Variants in TNFAIP8 observed in about 807,000 individuals in gnomAD.
TNFAIP8 encodes the protein tumor necrosis factor alpha-induced protein 8.
In TNFAIP8, 7 loss-of-function variants were observed where a neutral mutation model predicts 13.3. The ratio of observed to expected loss-of-function variants is 0.52; its 90% CI spans 0.30 to 0.99. The LOEUF (loss-of-function observed/expected upper bound fraction) is 0.99. Ranked by LOEUF, TNFAIP8 falls within the 50% of genes least tolerant of loss-of-function variation. The pLI is 0.07. For missense variants in TNFAIP8, 258 were observed against 236.9 expected (o/e 1.09, Z -0.58); for synonymous variants, 94 against 87.6 (o/e 1.07, Z -0.41).
intron 1 of TNFAIP8, among the ~76,000 whole-genome samples, chr5:119,284,719 C>CT (rs1052746679): frequency 1.8e-4 from 27 of 152,018 alleles, no homozygotes; most frequent in African/African-American, 3.6e-4. Flanking sequence ...AAACATGACT[C>CT]TAAGTCTCAC....
At chr5:119,359,335 C>G (rs1424334205) in intron 1 of TNFAIP8, among the ~76,000 whole-genome samples, 2 of 152,148 alleles carry the variant, frequency 1.3e-5, no homozygotes, top group Admixed American at 6.5e-5. Context: ...TTTTTCTGAA[C>G]CTAAACTCAG....
At chr5:119,392,320 C>T (rs1455038287) in intron 1 of TNFAIP8, among the ~76,000 whole-genome samples, 1 of 152,218 alleles carries the variant, frequency 6.6e-6, no homozygotes, top group African/African-American at 2.4e-5. Context: ...GTTCTTCTTC[C>T]ATTTAAATGA....
chr5:119,333,453 T>C, intron 1 of TNFAIP8: 4 of 1,404,666 alleles, frequency 2.8e-6, no homozygotes, highest in Non-Finnish European at 3.7e-6. Flanking sequence ...TTCAAAAGAA[T>C]AGTATAAATT....
At chr5:119,299,014 T>G (rs1749273983) in intron 1 of TNFAIP8, among the ~76,000 whole-genome samples, 1 of 152,158 alleles carries the variant, frequency 6.6e-6, no homozygotes, top group Non-Finnish European at 1.5e-5. Flanking sequence ...TCTTCTAAAT[T>G]TTTTTCAAAG....
At chr5:119,384,938 A>C (rs1580447516) in intron 1 of TNFAIP8, among the ~76,000 whole-genome samples, 2 of 152,206 alleles carry the variant, frequency 1.3e-5, no homozygotes, top group East Asian at 3.8e-4. Context: ...TCGTCATAAA[A>C]CTAAGCCACA....
At chr5:119,375,783 G>A (rs1752255947) in intron 1 of TNFAIP8, among the ~76,000 whole-genome samples, 1 of 151,980 alleles carries the variant, frequency 6.6e-6, no homozygotes, top group Admixed American at 6.5e-5. Context: ...GTTCAATTTA[G>A]GATCTTAAAG....
At chr5:119,376,646 T>C (rs1418667233) in intron 1 of TNFAIP8, among the ~76,000 whole-genome samples, 1 of 151,446 alleles carries the variant, frequency 6.6e-6, no homozygotes, top group East Asian at 1.9e-4. Context: ...AATTGGTCAT[T>C]TATTGCAAGG....
At chr5:119,318,455 A>AT (rs972783678) in intron 1 of TNFAIP8, among the ~76,000 whole-genome samples, 3 of 151,598 alleles carry the variant, frequency 2.0e-5, no homozygotes, top group South Asian at 2.1e-4. Flanking sequence ...TGCTTGGCTA[A>AT]TTTTTTTTAT....
At position 119,356,069 on chromosome 5, in the gene TNFAIP8, T is replaced by C. The variant is rs759543005; in HGVS notation, c.-22T>C. 26 of 1,574,854 alleles carry C rather than the reference T, an allele frequency of 1.7e-5. No individual in the cohort carries two copies. The highest frequency in any genetic ancestry group is 2.2e-5 in the Non-Finnish European group (25 of 1,159,500). On this transcript the variant is annotated 5_prime_UTR_variant, in exon 1 of 2. Coordinates refer to ENST00000504771, the MANE Select transcript of TNFAIP8 (RefSeq NM_014350.4). ...AGTACATGTGAGCGGTAATCGCCCC[T>C]GCAGCTGGTTATCCTGACATTATGC...
At chr5:119,295,231 AC>A in intron 1 of TNFAIP8, among the ~76,000 whole-genome samples, 1 of 44,960 alleles carries the variant, frequency 2.2e-5, no homozygotes, top group Non-Finnish European at 4.0e-5. Context: ...CTAACGTTAG[AC>A]CTATAGGTCT....
chr5:119,304,163 G>A (rs1379010249), intron 1 of TNFAIP8, among the ~76,000 whole-genome samples: 4 of 151,862 alleles, frequency 2.6e-5, no homozygotes, highest in Non-Finnish European at 4.4e-5. Context: ...CTGTTGCCCA[G>A]GCTGGAGTGT....
chr5:119,279,214 T>C (rs890055398), intron 1 of TNFAIP8, among the ~76,000 whole-genome samples: 6 of 152,218 alleles, frequency 3.9e-5, no homozygotes, highest in African/African-American at 1.2e-4. Flanking sequence ...TGTGAATGCC[T>C]GGCCACGCTG....
chr5:119,325,875 G>T (rs889941665), intron 1 of TNFAIP8, among the ~76,000 whole-genome samples: 6 of 152,168 alleles, frequency 3.9e-5, no homozygotes, highest in Non-Finnish European at 7.3e-5. Context: ...TGCTCTTTCT[G>T]CTGCCCAGAC....
chr5:119,292,463 A>T (rs950878716), intron 1 of TNFAIP8, among the ~76,000 whole-genome samples: 2 of 151,332 alleles, frequency 1.3e-5, no homozygotes, highest in African/African-American at 4.8e-5. Flanking sequence ...GTATTTTGTT[A>T]TTCTGTTGGG....
At chr5:119,385,562 T>C (rs1210549532) in intron 1 of TNFAIP8, among the ~76,000 whole-genome samples, 1 of 152,210 alleles carries the variant, frequency 6.6e-6, no homozygotes, top group African/African-American at 2.4e-5. Context: ...AGAGTCCTCG[T>C]AGTACTAAAT....
intron 1 of TNFAIP8, among the ~76,000 whole-genome samples, chr5:119,324,960 G>A (rs578175060): frequency 1.1e-4 from 16 of 152,132 alleles, no homozygotes; most frequent in South Asian, 4.1e-4. Context: ...CTGGCCAGCC[G>A]CAGTGGCTCA....
At chr5:119,299,511 G>C (rs1343831031) in intron 1 of TNFAIP8, among the ~76,000 whole-genome samples, 1 of 152,182 alleles carries the variant, frequency 6.6e-6, no homozygotes, top group Non-Finnish European at 1.5e-5. Context: ...GTGTCAGTCT[G>C]CCTCTACTGG....
intron 1 of TNFAIP8, chr5:119,333,444 T>C: frequency 7.2e-7 from 1 of 1,394,440 alleles, no homozygotes; most frequent in Non-Finnish European, 9.3e-7. Flanking sequence ...GGTAGATTTT[T>C]CAAAAGAATA....
intron 1 of TNFAIP8, among the ~76,000 whole-genome samples, chr5:119,385,349 G>A (rs779724342): frequency 2.0e-5 from 3 of 152,094 alleles, no homozygotes; most frequent in Non-Finnish European, 4.4e-5. Flanking sequence ...GCATGAGAAC[G>A]CTGTGACTTC....
Sources: allele counts gnomAD v4.1 joint callset (sites outside exome capture counted in the v4.1 genomes callset), GRCh38; gene constraint gnomAD v4.1.1; transcripts MANE v1.5; gene names NCBI Gene and HGNC (gene_info 2026-07-23, HGNC 2026-07-21).